ADGRL3: variants seen among roughly 807,000 people sequenced by gnomAD.
ADGRL3 encodes adhesion G protein-coupled receptor L3, also known as calcium-independent alpha-latrotoxin receptor 3.
ADGRL3 carries 62 observed loss-of-function variants against 153.5 expected under a neutral mutation model. The observed-to-expected ratio is 0.40, with a 90% CI of 0.33 to 0.50. ADGRL3 has a LOEUF of 0.50. ADGRL3 is among the 20% of genes least tolerant of loss of function. The probability of loss-of-function intolerance (pLI) is 0.47; values close to 1 mark genes in which losing one functional copy is unlikely to be tolerated. For missense variants in ADGRL3, 1,641 were observed against 1,859.4 expected, an observed-to-expected ratio of 0.88 and a Z score of 2.16; for synonymous variants, 710 against 672.5, an observed-to-expected ratio of 1.06 and a Z score of -0.86.
Position 61,575,069 on chromosome 4 carries a change from C to G in ADGRL3, c.260-12158C>G, listed in dbSNP as rs138018785. Among the ~76,000 whole-genome samples the G allele has an allele frequency of 7.9e-5, 12 of 151,892 alleles. No homozygotes were observed. The East Asian group carries it at 2.3e-3, about 30-fold the overall frequency. ...AACCACCTGTATTGGAATATTCTTACAACGTGATGTGGTTTGATTGAAGCA... is the reference window on the plus strand; with the variant it reads ...AACCACCTGTATTGGAATATTCTTAGAACGTGATGTGGTTTGATTGAAGCA... On this transcript the variant is annotated intron_variant, in intron 4 of 26. Transcript: ENST00000683033.
chr4:61,870,531 G>A (rs932627852), intron 9 of ADGRL3, among the ~76,000 whole-genome samples: 2 of 152,084 alleles, frequency 1.3e-5, no homozygotes, highest in African/African-American at 4.8e-5. Flanking sequence ...CAGAACTGGA[G>A]AAATGATTTG....
intron 4 of ADGRL3, among the ~76,000 whole-genome samples, chr4:61,556,754 C>A (rs554380454): frequency 1.3e-5 from 2 of 152,252 alleles, no homozygotes; most frequent in Non-Finnish European, 2.9e-5. Context: ...AGGTACTTAA[C>A]CCCGGTGACA....
At chr4:61,684,383 A>G (rs1191975725) in intron 6 of ADGRL3, among the ~76,000 whole-genome samples, 1 of 152,172 alleles carries the variant, frequency 6.6e-6, no homozygotes, top group East Asian at 1.9e-4. Context: ...TCAGTGATCT[A>G]GAGATCAAGA....
chr4:62,074,752 T>G lies in ADGRL3; in HGVS notation c.*3844T>G, dbSNP rs1746624237. The G allele has an allele frequency of 6.6e-6, 1 of 152,156 alleles. No individual in the cohort carries two copies. The highest frequency in any genetic ancestry group is 2.4e-5 in the African/African-American group (1 of 41,430). 9.4% of individuals were successfully genotyped at this position (152,156 alleles called of 1,614,324 possible). A position where few individuals can be genotyped will look rare whatever the true frequency, so the allele number is the denominator to read the frequency against. ...TTAAGATGTAGTTTATCATCTGTAT[T>G]TTAAAATATCCATCATAACTAAAAA... is the stretch of plus-strand genomic sequence containing the variant. On this transcript the variant is annotated 3_prime_UTR_variant, in exon 27 of 27. Transcript: ENST00000683033.
chr4:61,210,272 A>G (rs1739296876), intron 1 of ADGRL3, among the ~76,000 whole-genome samples: 2 of 152,158 alleles, frequency 1.3e-5, no homozygotes. Context: ...GTATGACTCA[A>G]GGAATTGAAA....
intron 4 of ADGRL3, among the ~76,000 whole-genome samples, chr4:61,538,867 G>T (rs943862306): frequency 8.5e-5 from 13 of 152,270 alleles, no homozygotes; most frequent in African/African-American, 3.1e-4. Context: ...GGAAGATTGC[G>T]TTGGGTTGCA....
At chr4:61,963,646 C>A (rs1182788550) in intron 17 of ADGRL3, among the ~76,000 whole-genome samples, 1 of 152,012 alleles carries the variant, frequency 6.6e-6, no homozygotes, top group Admixed American at 6.6e-5. Context: ...CCACATTTTT[C>A]TTTTTCTGGT....
intron 1 of ADGRL3, among the ~76,000 whole-genome samples, chr4:61,248,928 G>T (rs1454351114): frequency 7.2e-5 from 11 of 152,104 alleles, no homozygotes; most frequent in Non-Finnish European, 1.5e-5. Flanking sequence ...TTCTTGGATG[G>T]TTGTATTCTA....
At chr4:62,005,993 CACACACACACAT>C (rs1379442179) in intron 21 of ADGRL3, among the ~76,000 whole-genome samples, 1 of 87,460 alleles carries the variant, frequency 1.1e-5, no homozygotes, top group African/African-American at 4.3e-5. Context: ...CACACACACA[CACACACACACAT>C]ATATATATAT....
chr4:61,766,760 G>A (rs973589904), intron 8 of ADGRL3, among the ~76,000 whole-genome samples: 4 of 151,484 alleles, frequency 2.6e-5, no homozygotes, highest in African/African-American at 7.3e-5. Flanking sequence ...AGGGTGCAAA[G>A]GAATAGCAAA....
At chr4:61,374,483 G>A (rs112017071) in intron 1 of ADGRL3, among the ~76,000 whole-genome samples, 1 of 151,964 alleles carries the variant, frequency 6.6e-6, no homozygotes, top group Non-Finnish European at 1.5e-5. Context: ...ATTTCCAGAT[G>A]TTGGAGTCTC....
chr4:61,964,872 A>T (rs1347191876), intron 17 of ADGRL3, among the ~76,000 whole-genome samples: 2 of 152,120 alleles, frequency 1.3e-5, no homozygotes, highest in Non-Finnish European at 2.9e-5. Context: ...ATCCTAAAAA[A>T]TATTTTCAAT....
intron 8 of ADGRL3, among the ~76,000 whole-genome samples, chr4:61,752,390 A>AT (rs61055578): frequency 0.027 from 4,081 of 152,242 alleles, 117 homozygotes; most frequent in East Asian, 0.076. Flanking sequence ...CCTAATAAGC[A>AT]TATTATTATG....
intron 1 of ADGRL3, among the ~76,000 whole-genome samples, chr4:61,381,406 A>G (rs1271760349): frequency 6.6e-6 from 1 of 151,364 alleles, no homozygotes; most frequent in African/African-American, 2.4e-5. Flanking sequence ...TTGGTTCCTT[A>G]GAGAGGGGTG....
intron 3 of ADGRL3, among the ~76,000 whole-genome samples, chr4:61,513,908 A>G (rs924407761): frequency 6.6e-5 from 10 of 152,182 alleles, no homozygotes; most frequent in Non-Finnish European, 7.3e-5. Context: ...ATTACATGCA[A>G]CAGAGTTTGA....
intron 5 of ADGRL3, among the ~76,000 whole-genome samples, chr4:61,648,349 C>CTTTTT (rs34166403): frequency 8.0e-5 from 8 of 99,654 alleles, no homozygotes; most frequent in South Asian, 3.7e-4. Context: ...ATGAAATCGG[C>CTTTTT]TTTTTTTTTT....
intron 1 of ADGRL3, among the ~76,000 whole-genome samples, chr4:61,293,845 T>C (rs755554907): frequency 4.2e-4 from 64 of 152,320 alleles, no homozygotes; most frequent in Middle Eastern, 6.8e-3. Flanking sequence ...TTATGTTACC[T>C]GGAGCAAGTA....
At chr4:61,864,712 T>C (rs1325199173) in intron 9 of ADGRL3, among the ~76,000 whole-genome samples, 3 of 152,200 alleles carry the variant, frequency 2.0e-5, no homozygotes, top group African/African-American at 7.2e-5. Context: ...CTGGAGCAAA[T>C]CATGGAATTT....
At chr4:61,510,471 A>G (rs1337784156) in intron 3 of ADGRL3, among the ~76,000 whole-genome samples, 1 of 152,156 alleles carries the variant, frequency 6.6e-6, no homozygotes, top group African/African-American at 2.4e-5. Context: ...ATTATTTTGC[A>G]TACATGGCCA....
Sources: gnomAD v4.1 joint callset for allele counts (sites outside exome capture counted in the v4.1 genomes callset) on GRCh38, gnomAD v4.1.1 for gene constraint, MANE v1.5 for transcripts, NCBI Gene and HGNC (gene_info 2026-07-23, HGNC 2026-07-21) for gene names.